Variants in ST18 observed in about 807,000 individuals in gnomAD.
The protein encoded by ST18 is suppression of tumorigenicity 18 protein.
A neutral mutation model predicts 110.0 loss-of-function variants in ST18; 50 were observed. The observed-to-expected ratio is 0.45, with a 90% CI of 0.36 to 0.58. The LOEUF is 0.58. ST18 is among the 20% of genes least tolerant of loss of function. The probability of loss-of-function intolerance (pLI) is 0.00; values close to 1 mark genes in which losing one functional copy is unlikely to be tolerated. For synonymous variants in ST18, 461 were observed against 452.4 expected, an observed-to-expected ratio of 1.02 and a Z score of -0.24; for missense variants, 1,306 against 1,280.1, an observed-to-expected ratio of 1.02 and a Z score of -0.31.
intron 2 of ST18, among the ~76,000 whole-genome samples, chr8:52,319,446 CAT>C (rs1263530037): frequency 1.3e-5 from 2 of 151,954 alleles, no homozygotes. Context: ...TTCTTCTTTC[CAT>C]ATTCCAGACC....
At chr8:52,394,525 C>T (rs923262216) in intron 2 of ST18, among the ~76,000 whole-genome samples, 1 of 152,188 alleles carries the variant, frequency 6.6e-6, no homozygotes, top group Admixed American at 6.5e-5. Flanking sequence ...CCTGCCTGAG[C>T]AGGCTCTTTC....
At chr8:52,366,606 G>A (rs992451357) in intron 2 of ST18, among the ~76,000 whole-genome samples, 1 of 152,102 alleles carries the variant, frequency 6.6e-6, no homozygotes, top group Non-Finnish European at 1.5e-5. Context: ...GGGACCCATC[G>A]CTTCATCTGC....
At chr8:52,133,431 G>T in intron 19 of ST18, 130 bp from the exon 20 acceptor site, 1 of 1,041,878 alleles carries the variant, frequency 9.6e-7, no homozygotes. Flanking sequence ...GTGGAGGGAG[G>T]CGGGGTCACA....
At chr8:52,183,014 C>T (rs1417045077) in intron 8 of ST18, among the ~76,000 whole-genome samples, 1 of 152,126 alleles carries the variant, frequency 6.6e-6, no homozygotes, top group Admixed American at 6.5e-5. Context: ...TCCAAATTTA[C>T]TTATAAAAAC....
intron 2 of ST18, among the ~76,000 whole-genome samples, chr8:52,270,647 T>C (rs1379026549): frequency 6.6e-6 from 1 of 152,164 alleles, no homozygotes; most frequent in Non-Finnish European, 1.5e-5. Context: ...AATCATCATG[T>C]TGTACACCCT....
At position 52,230,026 on chromosome 8, in the gene ST18, A is replaced by G. The variant is rs2090845840; in HGVS notation, c.-419+6T>C. On this transcript the variant is annotated splice_donor_region_variant and intron_variant, in intron 3 of 25. Transcript: ENST00000689386. ...AAAAGTTTATTTTTAAATAGCTTTT[A>G]CTTACCTTCCCTAAAAGCTACTGGA... 1 of 152,598 alleles carries G rather than the reference A, an allele frequency of 6.6e-6. No homozygotes were observed. Among genetic ancestry groups the G allele is most frequent in the Non-Finnish European group, 1.5e-5 (1 of 68,042 alleles). 9.5% of individuals were successfully genotyped at this position (152,598 alleles called of 1,614,324 possible). A position where few individuals can be genotyped will look rare whatever the true frequency, so the allele number is the denominator to read the frequency against.
chr8:52,275,564 A>G (rs1230567998), intron 2 of ST18, among the ~76,000 whole-genome samples: 1 of 152,232 alleles, frequency 6.6e-6, no homozygotes, highest in Non-Finnish European at 1.5e-5. Context: ...TCTGGGGTAA[A>G]TTATTATCCT....
At chr8:52,308,914 T>C (rs2095856488) in intron 2 of ST18, among the ~76,000 whole-genome samples, 1 of 152,232 alleles carries the variant, frequency 6.6e-6, no homozygotes, top group African/African-American at 2.4e-5. Flanking sequence ...GCAAGTAAGC[T>C]AGTGTTCGCC....
chr8:52,216,380 T>G (rs1478008663), intron 6 of ST18, among the ~76,000 whole-genome samples: 1 of 152,204 alleles, frequency 6.6e-6, no homozygotes, highest in Admixed American at 6.5e-5. Context: ...TATTGTCTCT[T>G]GTTGGTATAG....
At position 52,352,630 on chromosome 8, in the gene ST18, G is replaced by A. The variant is rs192462972; in HGVS notation, c.-465+56698C>T. On this transcript the variant is annotated intron_variant, in intron 2 of 25. Coordinates refer to ENST00000689386, the MANE Select transcript of ST18 (RefSeq NM_001352837.2). ...GTGTGAGAGGTTTGGATCAGCAACA[G>A]TCAGGGAGCCTCTACTCTCTGCCAG... Among the ~76,000 whole-genome samples, 12 of 152,310 alleles carry A rather than the reference G, an allele frequency of 7.9e-5. 2 individuals are homozygous for A. In the East Asian group the frequency reaches 2.3e-3, roughly 29 times the overall value.
chr8:52,142,873 A>G, intron 17 of ST18, 57 bp downstream of exon 17: 2 of 1,278,174 alleles, frequency 1.6e-6, no homozygotes, highest in Non-Finnish European at 2.3e-6. Context: ...ACTTTAAGTC[A>G]TGAACTTGAA....
At chr8:52,385,353 A>G (rs1487375240) in intron 2 of ST18, among the ~76,000 whole-genome samples, 1 of 152,202 alleles carries the variant, frequency 6.6e-6, no homozygotes, top group East Asian at 1.9e-4. Context: ...TTGGTCCAGC[A>G]CTTTGGGAGG....
At chr8:52,390,299 T>C (rs1017182335) in intron 2 of ST18, among the ~76,000 whole-genome samples, 1 of 152,122 alleles carries the variant, frequency 6.6e-6, no homozygotes, top group African/African-American at 2.4e-5. Context: ...AAAGTCTGAC[T>C]TGGCAATCTG....
intron 2 of ST18, among the ~76,000 whole-genome samples, chr8:52,270,421 T>TTG (rs2095036275): frequency 6.6e-6 from 1 of 152,068 alleles, no homozygotes; most frequent in Admixed American, 6.5e-5. Flanking sequence ...TTTTTCCCTT[T>TTG]TGTGTGTGTG....
chr8:52,211,934 G>A (rs2082306140), intron 8 of ST18, 145 bp downstream of exon 8: 3 of 750,052 alleles, frequency 4.0e-6, no homozygotes, highest in Non-Finnish European at 6.8e-6. Flanking sequence ...CCGCCTTCTT[G>A]GTGCATACAC....
chr8:52,392,461 G>A lies in ST18; in HGVS notation c.-465+16867C>T, dbSNP rs547546647. 2.3e-4 allele frequency among the ~76,000 whole-genome samples: 35 copies of A among 152,266 alleles called. No homozygotes were observed. The South Asian group carries it at 7.2e-3, about 32-fold the overall frequency. On this transcript the variant is annotated intron_variant, in intron 2 of 25. Coordinates refer to ENST00000689386, the MANE Select transcript of ST18 (RefSeq NM_001352837.2). The stretch of plus-strand genomic sequence containing the variant: ...GGTTAGCAAGAGAGATGCCTACCAA[G>A]AGCTTAAGAATAGGGAAGACATTGC...
chr8:52,317,199 AAG>A (rs2139829713), intron 2 of ST18, among the ~76,000 whole-genome samples: 1 of 152,326 alleles, frequency 6.6e-6, no homozygotes, highest in African/African-American at 2.4e-5. Context: ...CTTATTTGAA[AAG>A]AGTCTTTACA....
At chr8:52,305,818 A>C (rs1390131052) in intron 2 of ST18, among the ~76,000 whole-genome samples, 4 of 152,192 alleles carry the variant, frequency 2.6e-5, no homozygotes, top group Non-Finnish European at 5.9e-5. Context: ...TGCTGCCTGG[A>C]TGACTGCAAG....
At chr8:52,205,541 T>A (rs916927268) in intron 8 of ST18, among the ~76,000 whole-genome samples, 5 of 152,136 alleles carry the variant, frequency 3.3e-5, no homozygotes, top group African/African-American at 9.7e-5. Flanking sequence ...TCTGTTTTTT[T>A]AAAAAAATTT....
Sources: allele counts gnomAD v4.1 joint callset (sites outside exome capture counted in the v4.1 genomes callset), GRCh38; gene constraint gnomAD v4.1.1; transcripts MANE v1.5; gene names NCBI Gene and HGNC (gene_info 2026-07-23, HGNC 2026-07-21).